Variants in GALNTL6 observed in about 807,000 individuals in gnomAD.
The protein encoded by GALNTL6 is polypeptide N-acetylgalactosaminyltransferase-like 6.
GALNTL6 carries 46 observed loss-of-function variants against 73.7 expected under a neutral mutation model. The observed-to-expected ratio is 0.62, with a 90% confidence interval of 0.49 to 0.80. GALNTL6 has a LOEUF of 0.80. Ranked by LOEUF, GALNTL6 falls within the 30% of genes least tolerant of loss-of-function variation. The pLI is 0.00. For synonymous variants in GALNTL6, 259 were observed against 263.7 expected (o/e 0.98, Z 0.17); for missense variants, 604 against 755.0 (o/e 0.80, Z 2.34).
intron 5 of GALNTL6, among the ~76,000 whole-genome samples, chr4:172,535,128 T>G (rs939424842): frequency 2.8e-4 from 42 of 152,198 alleles, no homozygotes; most frequent in Non-Finnish European, 1.3e-4. Context: ...CATTTCTGTT[T>G]CCTACATTAA....
chr4:172,493,688 A>G (rs576363689), intron 5 of GALNTL6, among the ~76,000 whole-genome samples: 1 of 152,302 alleles, frequency 6.6e-6, no homozygotes, highest in South Asian at 2.1e-4. Context: ...AGTTTAGCTA[A>G]ATAGGCAGTG....
At chr4:171,821,361 T>TGTC (rs1272316515) in intron 2 of GALNTL6, among the ~76,000 whole-genome samples, 3 of 152,072 alleles carry the variant, frequency 2.0e-5, no homozygotes, top group Non-Finnish European at 4.4e-5. Context: ...ATTTCTGACA[T>TGTC]GTCTCCCCAG....
Position 172,183,954 on chromosome 4 carries a change from G to A in GALNTL6, c.139-45702G>A, listed in dbSNP as rs1486085656. 6.6e-5 allele frequency among the ~76,000 whole-genome samples: 10 copies of A among 151,740 alleles called. No individual in the cohort carries two copies. The South Asian group carries it at 8.3e-4, about 13-fold the overall frequency. On this transcript the variant is annotated intron_variant, in intron 2 of 12. Transcript: ENST00000506823. ...ACTACAGGCATGCACCACCACACCC[G>A]GCTAATTTTTGTATTTTTAGTAGAG...
chr4:172,033,518 C>G (rs1741834129), intron 2 of GALNTL6, among the ~76,000 whole-genome samples: 1 of 151,888 alleles, frequency 6.6e-6, no homozygotes, highest in African/African-American at 2.4e-5. Flanking sequence ...TCCACAGAGC[C>G]ATTGCTTCCC....
chr4:172,312,652 G>A (rs754187530), intron 4 of GALNTL6, among the ~76,000 whole-genome samples: 1 of 152,100 alleles, frequency 6.6e-6, no homozygotes, highest in African/African-American at 2.4e-5. Flanking sequence ...ATAAGAATCA[G>A]AAATCTAAAT....
chr4:172,676,889 A>G (rs1732332221), intron 5 of GALNTL6, among the ~76,000 whole-genome samples: 1 of 152,214 alleles, frequency 6.6e-6, no homozygotes, highest in African/African-American at 2.4e-5. Context: ...GCTCTCTAAC[A>G]TTTCTGAGTT....
intron 5 of GALNTL6, among the ~76,000 whole-genome samples, chr4:172,403,530 C>T (rs886373811): frequency 4.1e-5 from 6 of 145,808 alleles, no homozygotes; most frequent in South Asian, 2.1e-4. Flanking sequence ...CTTTTTCTTA[C>T]GGTTAGCCAA....
intron 2 of GALNTL6, among the ~76,000 whole-genome samples, chr4:171,895,776 T>A (rs553662577): frequency 2.1e-4 from 32 of 152,016 alleles, no homozygotes; most frequent in Non-Finnish European, 3.4e-4. Context: ...AAATTTAAAG[T>A]CACTATTTTG....
At chr4:172,537,208 A>C (rs180870659) in intron 5 of GALNTL6, among the ~76,000 whole-genome samples, 1 of 152,326 alleles carries the variant, frequency 6.6e-6, no homozygotes, top group Non-Finnish European at 1.5e-5. Context: ...GTGTTTTGAA[A>C]TGTGAGGACA....
intron 10 of GALNTL6, among the ~76,000 whole-genome samples, chr4:172,965,185 A>T (rs1265142337): frequency 6.6e-6 from 1 of 152,152 alleles, no homozygotes; most frequent in Non-Finnish European, 1.5e-5. Flanking sequence ...GGTTGGGAAA[A>T]ATGTAAGAAC....
chr4:172,499,971 A>G (rs995771336), intron 5 of GALNTL6, among the ~76,000 whole-genome samples: 1 of 152,216 alleles, frequency 6.6e-6, no homozygotes, highest in Non-Finnish European at 1.5e-5. Context: ...TCTTACAGAA[A>G]GAGAGGACAG....
intron 2 of GALNTL6, among the ~76,000 whole-genome samples, chr4:171,981,604 T>C (rs568375823): frequency 6.6e-6 from 1 of 152,336 alleles, no homozygotes; most frequent in South Asian, 2.1e-4. Context: ...GAGTTTTTTT[T>C]ATTCTTTCAC....
chr4:172,445,992 C>T (rs1053241977), intron 5 of GALNTL6, among the ~76,000 whole-genome samples: 7 of 152,014 alleles, frequency 4.6e-5, no homozygotes, highest in Admixed American at 2.6e-4. Flanking sequence ...TTATCCCTAC[C>T]CTCAAGTTCA....
At chr4:173,027,683 A>G (rs887055055) in intron 12 of GALNTL6, among the ~76,000 whole-genome samples, 2 of 152,248 alleles carry the variant, frequency 1.3e-5, no homozygotes, top group African/African-American at 4.8e-5. Context: ...TCAACCTTTT[A>G]TAGGATATCT....
At chr4:171,835,956 C>T (rs554515125) in intron 2 of GALNTL6, among the ~76,000 whole-genome samples, 6 of 151,876 alleles carry the variant, frequency 4.0e-5, no homozygotes, top group Admixed American at 6.6e-5. Flanking sequence ...GATAGTTGAA[C>T]GAGGTAGAAA....
intron 5 of GALNTL6, among the ~76,000 whole-genome samples, chr4:172,786,275 C>A (rs1739649804): frequency 6.6e-6 from 1 of 152,190 alleles, no homozygotes; most frequent in Non-Finnish European, 1.5e-5. Context: ...AATAGTTCCC[C>A]TTTGGCTGTA....
At chr4:172,885,359 G>T (rs1745665582) in intron 8 of GALNTL6, among the ~76,000 whole-genome samples, 1 of 152,018 alleles carries the variant, frequency 6.6e-6, no homozygotes, top group Non-Finnish European at 1.5e-5. Context: ...GTATTTTTAA[G>T]CTATTATAAA....
chr4:172,491,502 A>G (rs888712500), intron 5 of GALNTL6, among the ~76,000 whole-genome samples: 1 of 152,128 alleles, frequency 6.6e-6, no homozygotes, highest in Non-Finnish European at 1.5e-5. Context: ...TGACAATTTG[A>G]GTAATAAAAG....
chr4:172,403,034 G>T (rs1326914187), intron 5 of GALNTL6, among the ~76,000 whole-genome samples: 2 of 151,992 alleles, frequency 1.3e-5, no homozygotes, highest in Non-Finnish European at 2.9e-5. Context: ...ATAATTTGTA[G>T]AAAGGAATAA....
Sources: allele counts gnomAD v4.1 joint callset (sites outside exome capture counted in the v4.1 genomes callset), GRCh38; gene constraint gnomAD v4.1.1; transcripts MANE v1.5; gene names NCBI Gene and HGNC (gene_info 2026-07-23, HGNC 2026-07-21).